Variants in ZNRF3 observed in about 807,000 individuals in gnomAD.
ZNRF3 encodes zinc and ring finger 3.
A neutral mutation model predicts 72.5 loss-of-function variants in ZNRF3; 23 were observed. The ratio of observed to expected loss-of-function variants is 0.32; its 90% CI spans 0.23 to 0.45. The LOEUF (loss-of-function observed/expected upper bound fraction) is 0.45. Among genes scored for constraint, ZNRF3 ranks in the 20% least tolerant of loss-of-function variants. The pLI is 1.00. For missense variants in ZNRF3, 1,169 were observed against 1,272.1 expected (o/e 0.92, Z 1.23); for synonymous variants, 610 against 545.3 (o/e 1.12, Z -1.65).
At chr22:29,007,358 C>T (rs2036270724) in intron 2 of ZNRF3, among the ~76,000 whole-genome samples, 1 of 152,236 alleles carries the variant, frequency 6.6e-6, no homozygotes, top group Non-Finnish European at 1.5e-5. Context: ...TTGTTCACGT[C>T]ATGCACGGTG....
chr22:28,953,296 ATCAT>A (rs774994283), intron 1 of ZNRF3, among the ~76,000 whole-genome samples: 17 of 152,212 alleles, frequency 1.1e-4, no homozygotes, highest in Admixed American at 2.0e-4. Flanking sequence ...TTTAAACCAG[ATCAT>A]TCATCTTGAG....
At chr22:28,918,724 A>C (rs2034458264) in intron 1 of ZNRF3, among the ~76,000 whole-genome samples, 1 of 152,158 alleles carries the variant, frequency 6.6e-6, no homozygotes, top group Admixed American at 6.5e-5. Flanking sequence ...GGTATGTGCG[A>C]AGCTACAATG....
chr22:29,039,208 C>G (rs955639774), intron 2 of ZNRF3, among the ~76,000 whole-genome samples: 1 of 152,214 alleles, frequency 6.6e-6, no homozygotes, highest in Non-Finnish European at 1.5e-5. Flanking sequence ...GAGACCTCCA[C>G]GTTCCGGGCG....
chr22:28,962,845 C>T (rs887913208), intron 1 of ZNRF3, among the ~76,000 whole-genome samples: 2 of 152,214 alleles, frequency 1.3e-5, no homozygotes, highest in African/African-American at 4.8e-5. Context: ...GAATAAAAGG[C>T]TCAGTGCAGT....
At chr22:28,935,916 G>A (rs1359364219) in intron 1 of ZNRF3, among the ~76,000 whole-genome samples, 1 of 152,154 alleles carries the variant, frequency 6.6e-6, no homozygotes, top group Admixed American at 6.5e-5. Context: ...AGTGTTGCCT[G>A]TACTTCCCAT....
intron 1 of ZNRF3, among the ~76,000 whole-genome samples, chr22:28,907,676 G>C (rs887394013): frequency 1.3e-5 from 2 of 152,178 alleles, no homozygotes; most frequent in African/African-American, 4.8e-5. Flanking sequence ...GTCACTGGCT[G>C]TCTTGAAACA....
intron 2 of ZNRF3, chr22:29,018,119 A>G (rs1198143966): frequency 1.9e-6 from 1 of 515,302 alleles, no homozygotes; most frequent in Non-Finnish European, 3.9e-6. Context: ...ACTGGATCCA[A>G]AGGAGAGTCT....
intron 2 of ZNRF3, among the ~76,000 whole-genome samples, chr22:29,012,800 C>T (rs1266539924): frequency 1.3e-5 from 2 of 152,180 alleles, no homozygotes; most frequent in Non-Finnish European, 2.9e-5. Context: ...CATGCTGAGT[C>T]TCAGGCTGGG....
intron 1 of ZNRF3, among the ~76,000 whole-genome samples, chr22:28,971,880 G>C (rs2035581934): frequency 6.6e-6 from 1 of 151,950 alleles, no homozygotes; most frequent in Admixed American, 6.6e-5. Context: ...CTAAGTTTTT[G>C]TATTTTTTGT....
intron 1 of ZNRF3, among the ~76,000 whole-genome samples, chr22:28,926,482 C>CTT (rs781139211): frequency 8.8e-5 from 12 of 136,850 alleles, no homozygotes; most frequent in South Asian, 2.3e-4. Context: ...CCCTGCCTGG[C>CTT]TTTTTTTTTT....
intron 1 of ZNRF3, among the ~76,000 whole-genome samples, chr22:28,928,604 C>G (rs1391008790): frequency 6.7e-6 from 1 of 150,076 alleles, no homozygotes; most frequent in Non-Finnish European, 1.5e-5. Flanking sequence ...AGCAATTCTC[C>G]TGCCTCAGCC....
chr22:28,971,319 C>G (rs543358863), intron 1 of ZNRF3, among the ~76,000 whole-genome samples: 1 of 152,172 alleles, frequency 6.6e-6, no homozygotes, highest in African/African-American at 2.4e-5. Context: ...CCAGTGCTGA[C>G]CACTTGATTA....
intron 1 of ZNRF3, among the ~76,000 whole-genome samples, chr22:28,894,232 A>G (rs930386775): frequency 1.3e-5 from 2 of 151,962 alleles, no homozygotes; most frequent in African/African-American, 2.4e-5. Context: ...TGCTGAGACT[A>G]TAGGCGTGAG....
intron 2 of ZNRF3, among the ~76,000 whole-genome samples, chr22:28,998,525 A>G (rs1020824361): frequency 2.0e-5 from 3 of 152,184 alleles, no homozygotes; most frequent in African/African-American, 7.2e-5. Flanking sequence ...CAAGAAACTT[A>G]GTAAAGGAAA....
At chr22:28,948,459 G>A (rs1436192277) in intron 1 of ZNRF3, among the ~76,000 whole-genome samples, 1 of 152,184 alleles carries the variant, frequency 6.6e-6, no homozygotes, top group Non-Finnish European at 1.5e-5. Context: ...GGCCCAGCAA[G>A]CCTGGCCTAA....
chr22:28,927,327 A>G (rs552883096), intron 1 of ZNRF3, among the ~76,000 whole-genome samples: 1 of 152,234 alleles, frequency 6.6e-6, no homozygotes, highest in South Asian at 2.1e-4. Context: ...AGGCCAAGGC[A>G]GGCGAATCAC....
At position 29,048,594 on chromosome 22, in the gene ZNRF3, C is replaced by G; in HGVS notation, c.1015+103C>G. 1 of 1,192,852 alleles carries G rather than the reference C, an allele frequency of 8.4e-7. No individual in the cohort carries two copies. The highest frequency in any genetic ancestry group is 1.4e-5 in the South Asian group (1 of 73,622). The allele number at this position is 1,192,852 out of a possible 1,614,324, so 73.9% of individuals were successfully genotyped here. ...ACACTCAGAACCACCGTGGCACTGC[C>G]CTCTGGACTTGGAGGCCTGGCAGCC... On this transcript the variant is annotated intron_variant, in intron 7 of 8. Transcript: ENST00000544604. This position sits in a 1 kb window ranked among gnomAD's most constrained non-coding sequence, Gnocchi z 4.9.
intron 1 of ZNRF3, among the ~76,000 whole-genome samples, chr22:28,973,334 T>C (rs191254425): frequency 6.0e-4 from 91 of 152,342 alleles, no homozygotes; most frequent in Non-Finnish European, 5.7e-4. Context: ...TTAATTTTGA[T>C]GAAGTTCATT....
intron 2 of ZNRF3, among the ~76,000 whole-genome samples, chr22:29,019,256 A>C (rs1429722997): frequency 6.6e-6 from 1 of 152,170 alleles, no homozygotes; most frequent in Non-Finnish European, 1.5e-5. Flanking sequence ...GGGTGGAAAA[A>C]TAAGCTCAAT....
Sources: gnomAD v4.1 joint callset for allele counts (sites outside exome capture counted in the v4.1 genomes callset) on GRCh38, gnomAD v4.1.1 for gene constraint, Gnocchi (gnomAD v3.1) non-coding constraint, MANE v1.5 for transcripts, NCBI Gene and HGNC (gene_info 2026-07-23, HGNC 2026-07-21) for gene names.